Variants in KRT86 observed in about 807,000 individuals in gnomAD.
KRT86 encodes the protein keratin, type II cuticular Hb6.
Under a neutral mutation model 41.2 loss-of-function variants are expected in KRT86, and 30 were observed. That is an observed-to-expected ratio of 0.73 (90% CI 0.54 to 0.99). The LOEUF is 0.99. Ranked by LOEUF, KRT86 falls within the 50% of genes least tolerant of loss-of-function variation. KRT86 has a pLI of 0.00. For synonymous variants in KRT86, 238 were observed against 238.1 expected (o/e 1.00, Z 0.00); for missense variants, 561 against 571.4 (o/e 0.98, Z 0.19).
At chr12:52,291,489 C>A (rs776185671) in intron 2 of KRT86, 7 of 1,611,868 alleles carry the variant, frequency 4.3e-6, no homozygotes, top group Non-Finnish European at 5.9e-6. Flanking sequence ...GTTTGGGTTG[C>A]AGAGGACAGG....
intron 2 of KRT86, among the ~76,000 whole-genome samples, chr12:52,282,590 C>T (rs1937801479): frequency 6.6e-6 from 1 of 152,220 alleles, no homozygotes; most frequent in Non-Finnish European, 1.5e-5. Context: ...GGCTGAACTC[C>T]ATCTGCCCCA....
intron 2 of KRT86, 87 bp from the exon 3 acceptor site, chr12:52,301,826 T>G (rs1214594472): frequency 2.5e-6 from 4 of 1,612,550 alleles, no homozygotes; most frequent in Non-Finnish European, 3.4e-6. Context: ...CCTACAGAGG[T>G]GCAAGTAGTG....
chr12:52,288,210 T>C, intron 2 of KRT86: 1 of 1,592,916 alleles, frequency 6.3e-7, no homozygotes, highest in African/African-American at 1.3e-5. Context: ...ATGTCCTGAC[T>C]CCACCTCCTC....
intron 2 of KRT86, chr12:52,279,107 T>TCCAG (rs1164270389): frequency 5.0e-5 from 7 of 141,162 alleles, no homozygotes; most frequent in African/African-American, 1.8e-4. Context: ...GCCTGCCTGC[T>TCCAG]CCAGCCCCGA....
At chr12:52,279,565 C>T (rs1361886966) in intron 2 of KRT86, among the ~76,000 whole-genome samples, 1 of 152,196 alleles carries the variant, frequency 6.6e-6, no homozygotes, top group Non-Finnish European at 1.5e-5. Context: ...AGTTTAAACC[C>T]GGATTCTCCA....
At chr12:52,299,505 T>C (rs1455094713) in intron 2 of KRT86, among the ~76,000 whole-genome samples, 1 of 152,220 alleles carries the variant, frequency 6.6e-6, no homozygotes, top group Admixed American at 6.5e-5. Flanking sequence ...ATTTTTAGCT[T>C]TTGGAGGACA....
chr12:52,288,705 C>T (rs985490716), intron 2 of KRT86, among the ~76,000 whole-genome samples: 1 of 152,098 alleles, frequency 6.6e-6, no homozygotes, highest in Non-Finnish European at 1.5e-5. Flanking sequence ...TCTCCCTTCT[C>T]TCATCTCCTG....
At position 52,306,197 on chromosome 12, in the gene KRT86, G is replaced by A. The variant is rs375789021; in HGVS notation, c.1164G>A (p.Glu388=). Residue 388 remains glutamate, a synonymous_variant, in exon 9 of 11, where the codon GAG becomes GAA. Transcript: ENST00000423955. ...AKQDMACLIR[E]YQEVMNSKLG... ...AGGACATGGCCTGCCTGATCAGGGA[G>A]TACCAGGAGGTGATGAACTCCAAGC... The A allele has an allele frequency of 5.0e-6, 8 of 1,613,816 alleles. No individual in the cohort carries two copies. The highest frequency in any genetic ancestry group is 1.7e-5 in the Admixed American group (1 of 60,038).
intron 2 of KRT86, among the ~76,000 whole-genome samples, chr12:52,283,032 T>C (rs1472248213): frequency 1.3e-5 from 2 of 152,202 alleles, no homozygotes; most frequent in African/African-American, 2.4e-5. Flanking sequence ...GCGCATACAC[T>C]GCACAGTTGC....
intron 2 of KRT86, chr12:52,286,256 T>C: frequency 6.4e-7 from 1 of 1,553,854 alleles, no homozygotes; most frequent in Non-Finnish European, 8.7e-7. Flanking sequence ...TTGGGGTGCC[T>C]AACATTTCCG....
intron 8 of KRT86, 118 bp downstream of exon 8, chr12:52,305,906 G>T: frequency 6.3e-7 from 1 of 1,592,442 alleles, no homozygotes; most frequent in East Asian, 2.3e-5. Flanking sequence ...TCCATGTAGA[G>T]TCCCTGGTTG....
chr12:52,275,222 T>C (rs976804120), intron 1 of KRT86: 13 of 152,154 alleles, frequency 8.5e-5, no homozygotes, highest in Non-Finnish European at 2.9e-5. Context: ...GCTATTCGTG[T>C]ATTGAATGCA....
chr12:52,304,784 CG>C (rs1472642802), intron 5 of KRT86, 147 bp from the exon 6 acceptor site: 3 of 943,714 alleles, frequency 3.2e-6, no homozygotes, highest in Non-Finnish European at 5.2e-6. Flanking sequence ...CAGGTCACCC[CG>C]GGAAGGGCCA....
intron 2 of KRT86, among the ~76,000 whole-genome samples, chr12:52,298,252 A>C (rs1938293245): frequency 6.6e-6 from 1 of 152,222 alleles, no homozygotes; most frequent in African/African-American, 2.4e-5. Flanking sequence ...CTTTTCGAGG[A>C]CAAATGGAGT....
chr12:52,293,285 T>G (rs1938177316), intron 2 of KRT86, among the ~76,000 whole-genome samples: 1 of 152,192 alleles, frequency 6.6e-6, no homozygotes, highest in Non-Finnish European at 1.5e-5. Flanking sequence ...ATGAAGTATG[T>G]GCCATTATCC....
At chr12:52,297,356 T>C (rs1724301766) in intron 2 of KRT86, among the ~76,000 whole-genome samples, 1 of 152,216 alleles carries the variant, frequency 6.6e-6, no homozygotes, top group Non-Finnish European at 1.5e-5. Context: ...CCAGAACCCA[T>C]GTTTCCTTCC....
chr12:52,294,131 G>A (rs1431834551), intron 2 of KRT86, among the ~76,000 whole-genome samples: 1 of 152,158 alleles, frequency 6.6e-6, no homozygotes, highest in Admixed American at 6.5e-5. Context: ...CACTTCTGAA[G>A]CTCTTTGTAC....
rs1937923720 is a variant in KRT86 at position 52,286,223 on chromosome 12, A to G, written c.-5+10277A>G. ...GGCCAAGCAAGGCAGGGCAGGAAAG[A>G]TGCCTGGGGCCTGGGACTTGAGTTG... On this transcript the variant is annotated intron_variant, in intron 2 of 10. Transcript: ENST00000423955. 2.6e-6 allele frequency: 4 copies of G among 1,535,178 alleles called. No homozygotes were observed. In the East Asian group the frequency reaches 9.7e-5, roughly 37 times the overall value.
chr12:52,292,670 ATTTTTATTTT>A (rs1938157498), intron 2 of KRT86, among the ~76,000 whole-genome samples: 1 of 76,294 alleles, frequency 1.3e-5, no homozygotes, highest in South Asian at 4.0e-4. Context: ...TTTATTATTT[ATTTTTATTTT>A]ATTTATTGTT....
Sources: allele counts gnomAD v4.1 joint callset (sites outside exome capture counted in the v4.1 genomes callset), GRCh38; gene constraint gnomAD v4.1.1; transcripts MANE v1.5; gene names NCBI Gene and HGNC (gene_info 2026-07-23, HGNC 2026-07-21).